Variants in RHAG observed in about 807,000 individuals in gnomAD.
RHAG encodes ammonium transporter Rh type A.
Under a neutral mutation model 42.4 loss-of-function variants are expected in RHAG, and 25 were observed. The ratio of observed to expected loss-of-function variants is 0.59; its 90% CI spans 0.43 to 0.82. The LOEUF (loss-of-function observed/expected upper bound fraction) is 0.82, where lower values mean the gene tolerates loss of function less well. Among genes scored for constraint, RHAG ranks in the 40% least tolerant of loss-of-function variants. The probability of loss-of-function intolerance (pLI) is 0.00; values close to 1 mark genes in which losing one functional copy is unlikely to be tolerated. For missense variants in RHAG, 483 were observed against 504.6 expected (o/e 0.96, Z 0.41); for synonymous variants, 182 against 177.7 (o/e 1.02, Z -0.19).
intron 1 of RHAG, among the ~76,000 whole-genome samples, chr6:49,628,033 C>T (rs1039098291): frequency 2.6e-5 from 4 of 151,954 alleles, no homozygotes; most frequent in African/African-American, 4.8e-5. Flanking sequence ...CAAAATGAAA[C>T]AAAACTCTCC....
chr6:49,614,989 C>T (rs1762630257), intron 4 of RHAG, 136 bp from the exon 5 acceptor site: 1 of 844,908 alleles, frequency 1.2e-6, no homozygotes, highest in South Asian at 1.6e-5. Flanking sequence ...CCTCTGTCAC[C>T]CAGGCTGGAG....
In RHAG at chr6:49,612,594, C is replaced by T. The variant is rs9463518; in HGVS notation, c.808-60G>A. The T allele has an allele frequency of 2.7e-5, 43 of 1,600,662 alleles. No homozygotes were observed. In the African/African-American group the frequency reaches 5.6e-4, roughly 21 times the overall value. On this transcript the variant is annotated intron_variant, in intron 5 of 9. Coordinates refer to ENST00000371175, the MANE Select transcript of RHAG (RefSeq NM_000324.3). ...TGGATGATGGAGAATTCAGAAGGAT[C>T]AGAGGATTCTAGAGTTCAAGAGACC... is the stretch of plus-strand genomic sequence containing the variant.
At chr6:49,610,428 A>G (rs1387364775) in intron 7 of RHAG, among the ~76,000 whole-genome samples, 1 of 152,152 alleles carries the variant, frequency 6.6e-6, no homozygotes, top group Non-Finnish European at 1.5e-5. Flanking sequence ...ATTTATACCC[A>G]ACTTAGGGAA....
At chr6:49,632,453 G>C in intron 1 of RHAG, among the ~76,000 whole-genome samples, 1 of 152,170 alleles carries the variant, frequency 6.6e-6, no homozygotes, top group South Asian at 2.1e-4. Context: ...CAGAAAATTT[G>C]TGTCTGCTAT....
intron 3 of RHAG, among the ~76,000 whole-genome samples, 159 bp from the exon 4 acceptor site, chr6:49,615,930 A>T (rs1298584040): frequency 1.3e-5 from 2 of 152,212 alleles, no homozygotes; most frequent in Admixed American, 6.5e-5. Context: ...AACAGGGAGT[A>T]AAACAGAAAT....
In RHAG at chr6:49,635,227, T is replaced by A. The variant is rs141664995; in HGVS notation, c.157+1429A>T. On this transcript the variant is annotated intron_variant, in intron 1 of 9. Transcript: ENST00000371175. Reference sequence around the variant, plus strand: ...TTGAAATTTTACCTAGAAGCTTTGATGCTGGGACTTAGAAAGTTCAGCTTG... The same window carrying A: ...TTGAAATTTTACCTAGAAGCTTTGAAGCTGGGACTTAGAAAGTTCAGCTTG... Among the ~76,000 whole-genome samples, 1,150 of 152,010 alleles carry A rather than the reference T, an allele frequency of 7.6e-3. 15 individuals carry two copies. Among genetic ancestry groups the A allele is most frequent in the Non-Finnish European group, 0.01 (695 of 67,960 alleles).
chr6:49,617,806 T>A (rs1363494176), intron 3 of RHAG, among the ~76,000 whole-genome samples: 1 of 152,208 alleles, frequency 6.6e-6, no homozygotes, highest in African/African-American at 2.4e-5. Context: ...CCATTCAGCA[T>A]CTGTGATAAT....
At chr6:49,620,109 T>A (rs555111903) in intron 1 of RHAG, among the ~76,000 whole-genome samples, 8 of 152,270 alleles carry the variant, frequency 5.3e-5, no homozygotes, top group Middle Eastern at 3.4e-3. Context: ...TCCTCTTGAG[T>A]AACAAATATT....
intron 1 of RHAG, among the ~76,000 whole-genome samples, chr6:49,622,809 C>A (rs1762783233): frequency 6.6e-6 from 1 of 151,918 alleles, no homozygotes; most frequent in African/African-American, 2.4e-5. Flanking sequence ...CACCCCCCTT[C>A]CCCTTTGATG....
intron 1 of RHAG, among the ~76,000 whole-genome samples, chr6:49,626,297 G>C (rs994300531): frequency 6.6e-6 from 1 of 152,134 alleles, no homozygotes; most frequent in Non-Finnish European, 1.5e-5. Context: ...GACACAGTGG[G>C]GTTATAGGCA....
chr6:49,613,051 T>C (rs952965856), intron 5 of RHAG, among the ~76,000 whole-genome samples: 2 of 151,502 alleles, frequency 1.3e-5, no homozygotes, highest in African/African-American at 4.9e-5. Flanking sequence ...CATTTGAGGA[T>C]GAAGGAAAGA....
Position 49,611,092 on chromosome 6 carries a change from G to A in RHAG, c.999C>T (p.Leu333=). ...RIHDTCGVHN[L]HGLPGVVGGL... ...CTCCCACTACACCAGGTAAGCCGTG[G>A]AGGTTATGGACCCCACATGTATCAT... Residue 333 remains leucine (L), a synonymous_variant, in exon 7 of 10, where the codon CTC becomes CTT. Coordinates refer to ENST00000371175, the MANE Select transcript of RHAG (RefSeq NM_000324.3). 1 of 1,613,856 alleles carries A rather than the reference G, an allele frequency of 6.2e-7. No homozygotes were observed. Among genetic ancestry groups the A allele is most frequent in the Non-Finnish European group, 8.5e-7 (1 of 1,179,856 alleles).
At chr6:49,612,307 TA>T in intron 6 of RHAG, 89 bp downstream of exon 6, 2 of 1,397,832 alleles carry the variant, frequency 1.4e-6, no homozygotes, top group Non-Finnish European at 2.0e-6. Context: ...GTTTATAAAA[TA>T]AAACTTAGTA....
At chr6:49,607,749 A>G (rs147367116) in intron 7 of RHAG, among the ~76,000 whole-genome samples, 9 of 152,348 alleles carry the variant, frequency 5.9e-5, no homozygotes, top group African/African-American at 1.9e-4. Context: ...AAAGAATGTG[A>G]TAAAAGGCCA....
rs1305178782 is a variant in RHAG at position 49,605,322 on chromosome 6, AT to A, written c.*490del. On this transcript the variant is annotated 3_prime_UTR_variant, in exon 10 of 10. Coordinates refer to ENST00000371175, the MANE Select transcript of RHAG (RefSeq NM_000324.3). Reference sequence around the variant, plus strand: ...AGGATACAACATTACTAACTAGACTATTTTTAAAATAAAAAGCACTACCTAA... The same window carrying A: ...AGGATACAACATTACTAACTAGACTATTTTAAAATAAAAAGCACTACCTAA... 1 of 168,380 alleles carries A rather than the reference AT, an allele frequency of 5.9e-6. No individual in the cohort carries two copies. Among genetic ancestry groups the A allele is most frequent in the Admixed American group, 5.6e-5 (1 of 17,976 alleles). 10.4% of individuals were successfully genotyped at this position (168,380 alleles called of 1,614,324 possible). A position where few individuals can be genotyped will look rare whatever the true frequency, so the allele number is the denominator to read the frequency against.
At position 49,636,729 on chromosome 6, in the gene RHAG, C is replaced by T. The variant is rs370019012; in HGVS notation, c.84G>A (p.Thr28=). The T allele has an allele frequency of 7.4e-6, 12 of 1,613,910 alleles. No homozygotes were observed. In the African/African-American group the frequency reaches 8.0e-5, roughly 11 times the overall value. Residue 28 remains threonine, a synonymous_variant, in exon 1 of 10, where the codon ACG becomes ACA. Coordinates refer to ENST00000371175, the MANE Select transcript of RHAG (RefSeq NM_000324.3). ...VLFGLFVEYE[T]DQTVLEQLNI... ...TGAGCTGCTCGAGAACAGTCTGGTC[C>T]GTTTCATACTCAACAAATAATCCAA...
intron 3 of RHAG, among the ~76,000 whole-genome samples, chr6:49,616,485 C>T (rs1322542508): frequency 6.6e-6 from 1 of 151,890 alleles, no homozygotes; most frequent in Non-Finnish European, 1.5e-5. Flanking sequence ...GAGTTTTTAC[C>T]CATATTTTTT....
At chr6:49,618,642 G>A (rs988399046) in intron 2 of RHAG, among the ~76,000 whole-genome samples, 2 of 152,148 alleles carry the variant, frequency 1.3e-5, no homozygotes, top group African/African-American at 4.8e-5. Context: ...AGACATGAAT[G>A]TATTATCCAG....
chr6:49,618,668 C>T (rs1437387913), intron 2 of RHAG, among the ~76,000 whole-genome samples: 2 of 152,110 alleles, frequency 1.3e-5, no homozygotes, highest in African/African-American at 4.8e-5. Context: ...TAGAGGAAGG[C>T]ATTGATTCAG....
Sources: gnomAD v4.1 joint callset for allele counts (sites outside exome capture counted in the v4.1 genomes callset) on GRCh38, gnomAD v4.1.1 for gene constraint, MANE v1.5 for transcripts, NCBI Gene and HGNC (gene_info 2026-07-23, HGNC 2026-07-21) for gene names.